SCTR: variants seen among roughly 807,000 people sequenced by gnomAD.
SCTR encodes pancreatic secretin receptor.
In SCTR, 56 loss-of-function variants were observed where a neutral mutation model predicts 60.8. That is an observed-to-expected ratio of 0.92 (90% CI 0.74 to 1.15). The LOEUF (loss-of-function observed/expected upper bound fraction) is 1.15, where lower values mean the gene tolerates loss of function less well. Ranked by LOEUF, SCTR falls within the 50% of genes most tolerant of loss-of-function variation. The pLI, the probability that SCTR is intolerant of heterozygous loss-of-function variation, is 0.00. For missense variants in SCTR, 562 were observed against 550.4 expected, an observed-to-expected ratio of 1.02 and a Z score of -0.21; for synonymous variants, 202 against 217.0, an observed-to-expected ratio of 0.93 and a Z score of 0.61.
At chr2:119,440,991 A>G (rs1401696318) in intron 12 of SCTR, among the ~76,000 whole-genome samples, 8 of 152,244 alleles carry the variant, frequency 5.3e-5, no homozygotes, top group African/African-American at 1.9e-4. Context: ...ATAGCTCTGT[A>G]TGCCCAGAGC....
intron 7 of SCTR, 72 bp downstream of exon 7, chr2:119,461,775 G>A (rs1016741256): frequency 2.1e-4 from 231 of 1,122,566 alleles, no homozygotes; most frequent in Admixed American, 3.1e-4. Context: ...ACTAAAAGCC[G>A]AACCCTCCGA....
intron 7 of SCTR, 25 bp from the exon 8 acceptor site, chr2:119,453,372 G>C: frequency 6.3e-7 from 1 of 1,595,554 alleles, no homozygotes; most frequent in Non-Finnish European, 8.6e-7. Flanking sequence ...CAAAGGGAGG[G>C]GCAGAAGAGA....
rs1265942944 is a variant in SCTR, at chr2:119,453,327, C to T, written c.811G>A (p.Ala271Thr). The change falls in exon 8 of 13, where the codon GCT becomes ACT. Residue 271 changes from alanine (A) to threonine (T), a missense_variant. Transcript: ENST00000019103. ...FGWGSPAIFVALWAIARHFLE... is the reference protein window; with the variant it reads ...FGWGSPAIFVTLWAIARHFLE... ...AAGTGTCTGGCAATAGCCCACAAAG[C>T]AACAAAAATGGCTGGAGAACCTGAG... 3.1e-6 allele frequency: 5 copies of T among 1,613,902 alleles called. No individual in the cohort carries two copies. The highest frequency in any genetic ancestry group is 1.7e-5 in the Admixed American group (1 of 60,024).
intron 12 of SCTR, among the ~76,000 whole-genome samples, chr2:119,440,673 G>A (rs1682622761): frequency 2.0e-5 from 3 of 152,206 alleles, no homozygotes; most frequent in Admixed American, 2.0e-4. Context: ...GCTTAGAGGA[G>A]GGTGTGGTCT....
chr2:119,477,383 T>C (rs1351569180), intron 3 of SCTR, among the ~76,000 whole-genome samples: 1 of 152,270 alleles, frequency 6.6e-6, no homozygotes, highest in African/African-American at 2.4e-5. Context: ...GGGGTCACCG[T>C]GTAGAGGAGA....
intron 10 of SCTR, among the ~76,000 whole-genome samples, chr2:119,447,835 G>A (rs2104762996): frequency 6.6e-6 from 1 of 152,318 alleles, no homozygotes; most frequent in East Asian, 1.9e-4. Flanking sequence ...GCCTCCCAAA[G>A]TGCTGGGATT....
At chr2:119,477,983 G>T (rs1424098373) in intron 3 of SCTR, among the ~76,000 whole-genome samples, 1 of 152,180 alleles carries the variant, frequency 6.6e-6, no homozygotes, top group East Asian at 1.9e-4. Flanking sequence ...GCAGAATTAT[G>T]GTGAGAAGAA....
At chr2:119,448,667 T>G (rs1275626257) in intron 10 of SCTR, 22 bp downstream of exon 10, 2 of 1,340,444 alleles carry the variant, frequency 1.5e-6, no homozygotes, top group Non-Finnish European at 2.1e-6. Flanking sequence ...TGACCATGCC[T>G]CAGTCTTTGC....
In SCTR at chr2:119,507,680, C is replaced by CTTT. The variant is rs1222628111; in HGVS notation, c.73-13135_73-13133dup. On this transcript the variant is annotated intron_variant, in intron 1 of 12. Transcript: ENST00000019103. The stretch of plus-strand genomic sequence containing the variant: ...TTCTCGTTCTTTTTTTTTTTTTTTT[C>CTTT]TTTTTTTTTTTTTGAGGCAGAGTCT... Among the ~76,000 whole-genome samples the CTTT allele has an allele frequency of 4.5e-3, 447 of 99,216 alleles. 3 individuals are homozygous for CTTT. The highest frequency in any genetic ancestry group is 0.012 in the East Asian group (40 of 3,286). The allele number at this position is 99,216 out of a possible 152,430, so 65.1% of individuals were successfully genotyped here.
At position 119,521,990 on chromosome 2, in the gene SCTR, G is replaced by C. The variant is rs114231211; in HGVS notation, c.72+2165C>G. ...TCTTGTGATTATGTAAGGCAGTAATGCACATTTGAAAATACAAGGGACCGC... is the reference window on the plus strand; with the variant it reads ...TCTTGTGATTATGTAAGGCAGTAATCCACATTTGAAAATACAAGGGACCGC... On this transcript the variant is annotated intron_variant, in intron 1 of 12. Transcript: ENST00000019103. 8.2e-3 allele frequency among the ~76,000 whole-genome samples: 1,249 copies of C among 152,264 alleles called. 16 individuals carry two copies. Among genetic ancestry groups the C allele is most frequent in the African/African-American group, 0.029 (1,196 of 41,550 alleles).
intron 1 of SCTR, among the ~76,000 whole-genome samples, chr2:119,507,244 C>T (rs879800386): frequency 1.3e-5 from 2 of 152,034 alleles, no homozygotes; most frequent in East Asian, 3.8e-4. Flanking sequence ...ACAGTAATAC[C>T]GTGATGTTAA....
intron 11 of SCTR, among the ~76,000 whole-genome samples, chr2:119,443,614 T>C (rs1682739645): frequency 6.6e-6 from 1 of 152,186 alleles, no homozygotes; most frequent in African/African-American, 2.4e-5. Flanking sequence ...TGGCGCGATC[T>C]CGGCTCACTG....
intron 4 of SCTR, among the ~76,000 whole-genome samples, chr2:119,466,389 G>A (rs1205963795): frequency 1.3e-5 from 2 of 152,104 alleles, no homozygotes; most frequent in African/African-American, 4.8e-5. Flanking sequence ...GTCATACAGG[G>A]AGGCCTGCCA....
At chr2:119,448,586 A>G in intron 10 of SCTR, 103 bp downstream of exon 10, 2 of 721,490 alleles carry the variant, frequency 2.8e-6, no homozygotes, top group East Asian at 2.7e-5. Flanking sequence ...CTAGGTCTAC[A>G]ACGTTTCCTC....
intron 2 of SCTR, among the ~76,000 whole-genome samples, chr2:119,482,416 C>G (rs1346995646): frequency 2.0e-5 from 3 of 152,168 alleles, no homozygotes; most frequent in African/African-American, 4.8e-5. Flanking sequence ...GGGCAGGCTG[C>G]AACCATGAGC....
chr2:119,523,566 C>G (rs1679358448), intron 1 of SCTR, among the ~76,000 whole-genome samples: 1 of 151,856 alleles, frequency 6.6e-6, no homozygotes, highest in East Asian at 1.9e-4. Flanking sequence ...GGCAGGCGGT[C>G]CCATCGCAGA....
At chr2:119,507,419 C>T (rs564319898) in intron 1 of SCTR, among the ~76,000 whole-genome samples, 1 of 152,038 alleles carries the variant, frequency 6.6e-6, no homozygotes, top group Admixed American at 6.6e-5. Context: ...GGTAGACAAC[C>T]AATGTGTGTG....
At chr2:119,500,194 A>AAGTTTAGTCCTTAAAG (rs1678494389) in intron 1 of SCTR, among the ~76,000 whole-genome samples, 1 of 152,144 alleles carries the variant, frequency 6.6e-6, no homozygotes, top group Non-Finnish European at 1.5e-5. Flanking sequence ...GTAGTCCTAA[A>AAGTTTAGTCCTTAAAG]AGTTTAGTCC....
intron 7 of SCTR, among the ~76,000 whole-genome samples, chr2:119,458,456 C>G (rs954616064): frequency 2.6e-5 from 4 of 152,072 alleles, no homozygotes; most frequent in African/African-American, 9.7e-5. Flanking sequence ...AAAAAATTAG[C>G]TGGGTGTGGT....
Sources: gnomAD v4.1 joint callset for allele counts (sites outside exome capture counted in the v4.1 genomes callset) on GRCh38, gnomAD v4.1.1 for gene constraint, MANE v1.5 for transcripts, NCBI Gene and HGNC (gene_info 2026-07-23, HGNC 2026-07-21) for gene names.